The following TTLL5 variants were observed in gnomAD, a reference collection of about 807,000 sequenced individuals.
TTLL5 encodes the protein tubulin polyglutamylase TTLL5.
A neutral mutation model predicts 168.4 loss-of-function variants in TTLL5; 132 were observed. The observed-to-expected ratio is 0.78, with a 90% CI of 0.68 to 0.91. The LOEUF is 0.91. Ranked by LOEUF, TTLL5 falls within the 40% of genes least tolerant of loss-of-function variation. TTLL5 has a pLI of 0.00. For synonymous variants in TTLL5, 546 were observed against 558.6 expected, an observed-to-expected ratio of 0.98 and a Z score of 0.32; for missense variants, 1,545 against 1,581.5, an observed-to-expected ratio of 0.98 and a Z score of 0.39.
At chr14:75,886,807 C>A in intron 30 of TTLL5, 7 of 1,580,696 alleles carry the variant, frequency 4.4e-6, no homozygotes, top group Non-Finnish European at 6.0e-6. Context: ...TGAACTGTCT[C>A]TTGTAAATGA....
In TTLL5 at chr14:75,745,544, C is replaced by T. The variant is rs781480616; in HGVS notation, c.1450C>T (p.Arg484Cys). Residue 484 changes from arginine (R) to cysteine (C), a missense_variant, in exon 17 of 32, where the codon CGC (arginine) becomes TGC (cysteine). By Grantham distance (180) the Arg-to-Cys change is radical (BLOSUM62 -3). Coordinates refer to ENST00000298832, the MANE Select transcript of TTLL5 (RefSeq NM_015072.5). ...EENDRRGGFI[R>C]IFPTSETWEI... The stretch of plus-strand genomic sequence containing the variant: ...GAATGATCGGCGAGGTGGATTTATT[C>T]GCATATTTCCTACATCTGAGACATG... 1.2e-5 allele frequency: 20 copies of T among 1,613,484 alleles called. No individual in the cohort carries two copies. Among genetic ancestry groups the T allele is most frequent in the East Asian group, 8.9e-5 (4 of 44,846 alleles).
chr14:75,929,424 G>GA (rs1374962074), intron 31 of TTLL5, among the ~76,000 whole-genome samples: 1 of 144,468 alleles, frequency 6.9e-6, no homozygotes, highest in Non-Finnish European at 1.5e-5. Flanking sequence ...TAAAGACTCT[G>GA]AAAAGTCTTT....
intron 24 of TTLL5, among the ~76,000 whole-genome samples, chr14:75,782,174 C>A (rs551786582): frequency 6.6e-6 from 1 of 151,726 alleles, no homozygotes; most frequent in African/African-American, 2.4e-5. Context: ...TCTGACTGCC[C>A]TTATTATTAT....
At chr14:75,836,131 G>T (rs1183979934) in intron 28 of TTLL5, among the ~76,000 whole-genome samples, 1 of 152,160 alleles carries the variant, frequency 6.6e-6, no homozygotes, top group Non-Finnish European at 1.5e-5. Flanking sequence ...CTAAGATTTG[G>T]AAGCAACCTA....
intron 6 of TTLL5, among the ~76,000 whole-genome samples, chr14:75,693,827 C>G (rs1441763005): frequency 3.3e-5 from 5 of 152,174 alleles, no homozygotes; most frequent in Admixed American, 1.3e-4. Flanking sequence ...ATTTTCATGT[C>G]CGCCAACTAA....
intron 31 of TTLL5, among the ~76,000 whole-genome samples, chr14:75,921,729 T>C (rs559410218): frequency 6.6e-6 from 1 of 152,232 alleles, no homozygotes; most frequent in Non-Finnish European, 1.5e-5. Flanking sequence ...TGGTTCCATA[T>C]GAACTTTAAA....
chr14:75,773,970 A>C (rs1403197736), intron 21 of TTLL5, among the ~76,000 whole-genome samples: 1 of 140,144 alleles, frequency 7.1e-6, no homozygotes, highest in Non-Finnish European at 1.5e-5. Flanking sequence ...AGAGAGAGAG[A>C]GAGAGAGAGA....
At chr14:75,866,019 G>A (rs182862956) in intron 29 of TTLL5, among the ~76,000 whole-genome samples, 7 of 152,270 alleles carry the variant, frequency 4.6e-5, no homozygotes, top group Non-Finnish European at 5.9e-5. Flanking sequence ...ATGAGTAAGG[G>A]TGAAGTTTCT....
chr14:75,951,265 T>C (rs4903362), intron 31 of TTLL5, among the ~76,000 whole-genome samples: 117,364 of 151,702 alleles, frequency 0.77, 45,437 homozygotes, highest in Admixed American at 0.83. Flanking sequence ...GGAGGATCGT[T>C]TGAGCCCAGG....
chr14:75,940,914 G>A (rs2034582315), intron 31 of TTLL5, among the ~76,000 whole-genome samples: 1 of 152,182 alleles, frequency 6.6e-6, no homozygotes, highest in Non-Finnish European at 1.5e-5. Flanking sequence ...TAGGCTTGTT[G>A]TATTAATGAC....
At chr14:75,851,206 A>G (rs575345006) in intron 28 of TTLL5, among the ~76,000 whole-genome samples, 1 of 152,266 alleles carries the variant, frequency 6.6e-6, no homozygotes, top group South Asian at 2.1e-4. Context: ...GTTATAAAGC[A>G]TAGAGTATGG....
intron 28 of TTLL5, among the ~76,000 whole-genome samples, chr14:75,855,431 T>TTTTG (rs1271695290): frequency 4.6e-5 from 7 of 152,140 alleles, no homozygotes; most frequent in Non-Finnish European, 8.8e-5. Context: ...TTTTCTGGGT[T>TTTTG]TTTGTTTGTT....
At chr14:75,676,864 C>A (rs1445107317) in intron 3 of TTLL5, among the ~76,000 whole-genome samples, 1 of 151,568 alleles carries the variant, frequency 6.6e-6, no homozygotes, top group African/African-American at 2.4e-5. Context: ...GCCTTGACCT[C>A]CTGGGCTCAA....
At position 75,783,491 on chromosome 14, in the gene TTLL5, T is replaced by C; in HGVS notation, c.2947T>C (p.Tyr983His). The C allele has an allele frequency of 1.2e-6, 2 of 1,614,148 alleles. No homozygotes were observed. Among genetic ancestry groups the C allele is most frequent in the Non-Finnish European group, 1.7e-6 (2 of 1,180,004 alleles). The change falls in exon 26 of 32, where the codon TAT (tyrosine) becomes CAT (histidine). Residue 983 changes from tyrosine to histidine, a missense_variant. By Grantham distance (83) the Tyr-to-His change is moderately conservative. Transcript: ENST00000298832. ...FSSFQSAAHIYSQKLSRPSSA... is the reference protein window; with the variant it reads ...FSSFQSAAHIHSQKLSRPSSA... ...TTCCTTCCAAAGTGCTGCACACATC[T>C]ATAGCCAGAAACTGTCTCGTCCCTC... is the stretch of plus-strand genomic sequence containing the variant.
intron 30 of TTLL5, among the ~76,000 whole-genome samples, chr14:75,895,518 GTT>G (rs908020205): frequency 9.3e-5 from 14 of 150,636 alleles, no homozygotes; most frequent in African/African-American, 2.7e-4. Flanking sequence ...ATAAAAAGAG[GTT>G]TTTTTTTAAA....
intron 27 of TTLL5, among the ~76,000 whole-genome samples, chr14:75,813,851 G>C: frequency 6.6e-6 from 1 of 151,278 alleles, no homozygotes; most frequent in South Asian, 2.1e-4. Flanking sequence ...AAAGCTATAG[G>C]TTTTCAACTA....
At chr14:75,912,444 T>G (rs2033430689) in intron 31 of TTLL5, among the ~76,000 whole-genome samples, 4 of 152,288 alleles carry the variant, frequency 2.6e-5, no homozygotes, top group Admixed American at 2.6e-4. Context: ...CCTTTTCATG[T>G]CCAGCATAGG....
chr14:75,908,816 G>A (rs2033251903), intron 31 of TTLL5, among the ~76,000 whole-genome samples: 1 of 152,018 alleles, frequency 6.6e-6, no homozygotes, highest in Non-Finnish European at 1.5e-5. Flanking sequence ...TTGCTCTGTT[G>A]CACAAGCTGG....
intron 17 of TTLL5, among the ~76,000 whole-genome samples, chr14:75,747,536 ATT>A (rs750667885): frequency 2.8e-5 from 4 of 140,686 alleles, no homozygotes; most frequent in Admixed American, 7.1e-5. Flanking sequence ...ACCCTTTTGA[ATT>A]TTTTTTTTTT....
Sources: allele counts gnomAD v4.1 joint callset (sites outside exome capture counted in the v4.1 genomes callset), GRCh38; gene constraint gnomAD v4.1.1; transcripts MANE v1.5; gene names NCBI Gene and HGNC (gene_info 2026-07-23, HGNC 2026-07-21).